The following AVEN variants were observed in gnomAD, a reference collection of about 807,000 sequenced individuals.
AVEN encodes the protein cell death regulator Aven.
A neutral mutation model predicts 38.1 loss-of-function variants in AVEN; 41 were observed. That is an observed-to-expected ratio of 1.08 (90% CI 0.84 to 1.40). The LOEUF (loss-of-function observed/expected upper bound fraction) is 1.40, where lower values mean the gene tolerates loss of function less well. Ranked by LOEUF, AVEN falls within the 40% of genes most tolerant of loss-of-function variation. The pLI is 0.00. For missense variants in AVEN, 605 were observed against 438.8 expected (o/e 1.38, Z -3.38); for synonymous variants, 206 against 171.8 (o/e 1.20, Z -1.56).
At position 33,866,312 on chromosome 15, in the gene AVEN, T is replaced by G. The variant is rs753439038; in HGVS notation, c.*301A>C. On this transcript the variant is annotated 3_prime_UTR_variant, in exon 6 of 6. Transcript: ENST00000306730. ...TAATCAGCAGCAGCATCTGCTATGCTGTAAACACTGGCTATGTTGTAAACA... is the reference window on the plus strand; with the variant it reads ...TAATCAGCAGCAGCATCTGCTATGCGGTAAACACTGGCTATGTTGTAAACA... 2.6e-6 allele frequency: 1 copy of G among 385,300 alleles called. No homozygotes were observed. The highest frequency in any genetic ancestry group is 4.7e-6 in the Non-Finnish European group (1 of 214,850). The allele number at this position is 385,300 out of a possible 1,614,324, so 23.9% of individuals were successfully genotyped here.
chr15:33,864,347 C>T (rs1018233395), downstream of AVEN, among the ~76,000 whole-genome samples: 1 of 151,942 alleles, frequency 6.6e-6, no homozygotes, highest in Non-Finnish European at 1.5e-5. Flanking sequence ...AGCCAAAGTC[C>T]TCCTGTTTAT....
intron 2 of AVEN, among the ~76,000 whole-genome samples, chr15:33,898,290 G>A (rs143739762): frequency 6.6e-6 from 1 of 152,322 alleles, no homozygotes; most frequent in Non-Finnish European, 1.5e-5. Context: ...CATTGCCTGG[G>A]GAGGACTAGA....
chr15:34,044,976 AGGCGGAGCTT>A (rs2140812549), intron 5 of AVEN, among the ~76,000 whole-genome samples: 1 of 152,292 alleles, frequency 6.6e-6, no homozygotes, highest in South Asian at 2.1e-4. Flanking sequence ...TGAACCTGGG[AGGCGGAGCTT>A]GCAGTGAGCC....
intron 2 of AVEN, among the ~76,000 whole-genome samples, chr15:33,918,106 ATT>A (rs1338977072): frequency 1.3e-5 from 2 of 152,186 alleles, no homozygotes; most frequent in Admixed American, 6.5e-5. Context: ...TCTACTTTTT[ATT>A]TTGTTTCATA....
At chr15:33,993,898 G>A (rs1896829465) in intron 2 of AVEN, among the ~76,000 whole-genome samples, 1 of 152,084 alleles carries the variant, frequency 6.6e-6, no homozygotes, top group African/African-American at 2.4e-5. Context: ...AATTCTGTGG[G>A]CATGTTTCTT....
At position 33,867,695 on chromosome 15, in the gene AVEN, T is replaced by C. The variant is rs777887424; in HGVS notation, c.773A>G (p.Asp258Gly). 4 of 1,614,152 alleles carry C rather than the reference T, an allele frequency of 2.5e-6. No individual in the cohort carries two copies. In the Admixed American group the frequency reaches 5.0e-5, roughly 20 times the overall value. The change falls in exon 5 of 6, where the codon GAC (aspartate) becomes GGC (glycine). Residue 258 changes from aspartate (D) to glycine (G), a missense_variant. Asp to Gly is a moderately conservative substitution (Grantham distance 94). Coordinates refer to ENST00000306730, the MANE Select transcript of AVEN (RefSeq NM_020371.3). ...CCTTGAAGGACCCGGGCTTGGGTTG[T>C]CTTTGCCCAGCAACACAGGGCAGCC... ...AAGCPVLLGK[D>G]NPSPGPSRDS...
chr15:33,952,359 C>T (rs1322069288), intron 2 of AVEN, among the ~76,000 whole-genome samples: 2 of 152,130 alleles, frequency 1.3e-5, no homozygotes, highest in African/African-American at 4.8e-5. Flanking sequence ...AAGATGACTC[C>T]TAAATCTATC....
At chr15:33,969,963 C>T (rs1172878001) in intron 2 of AVEN, among the ~76,000 whole-genome samples, 3 of 151,942 alleles carry the variant, frequency 2.0e-5, no homozygotes, top group Non-Finnish European at 4.4e-5. Context: ...GTAAAAACAA[C>T]AAAACGTTAT....
intron 2 of AVEN, among the ~76,000 whole-genome samples, chr15:33,963,217 C>T (rs1297375505): frequency 1.3e-5 from 2 of 152,162 alleles, no homozygotes; most frequent in Non-Finnish European, 2.9e-5. Context: ...CCTCTCTGTG[C>T]CAGGCACTGT....
At chr15:33,875,025 C>T (rs1251067101) in intron 3 of AVEN, among the ~76,000 whole-genome samples, 1 of 152,176 alleles carries the variant, frequency 6.6e-6, no homozygotes, top group Non-Finnish European at 1.5e-5. Flanking sequence ...TTGTAAAGTG[C>T]CAGGCAGTCA....
intron 1 of AVEN, among the ~76,000 whole-genome samples, chr15:34,012,944 C>G (rs1214687293): frequency 6.6e-6 from 1 of 152,158 alleles, no homozygotes; most frequent in East Asian, 1.9e-4. Flanking sequence ...TAATCATTGT[C>G]ATGGTCTGTT....
intron 2 of AVEN, among the ~76,000 whole-genome samples, chr15:33,983,215 C>CATATATATATATACATAT (rs148035145): frequency 8.9e-6 from 1 of 111,784 alleles, no homozygotes; most frequent in Non-Finnish European, 1.7e-5. Flanking sequence ...TATATATATA[C>CATATATATATATACATAT]ATATATATAC....
At chr15:33,914,373 G>C (rs1212797662) in intron 2 of AVEN, among the ~76,000 whole-genome samples, 1 of 152,026 alleles carries the variant, frequency 6.6e-6, no homozygotes. Flanking sequence ...AAATAGACCT[G>C]TACCTAACCT....
intron 2 of AVEN, among the ~76,000 whole-genome samples, chr15:33,954,115 C>T (rs1007438202): frequency 1.3e-5 from 2 of 152,140 alleles, no homozygotes; most frequent in African/African-American, 4.8e-5. Context: ...CCATCTCACG[C>T]CAGTTAGAAT....
chr15:34,047,545 C>T (rs991847053), intron 5 of AVEN, among the ~76,000 whole-genome samples: 1 of 152,168 alleles, frequency 6.6e-6, no homozygotes, highest in African/African-American at 2.4e-5. Context: ...CTTGGAATTC[C>T]AGCCAGCCAA....
intron 11 of AVEN, among the ~76,000 whole-genome samples, chr15:33,859,897 A>T (rs1486502972): frequency 6.6e-6 from 1 of 152,224 alleles, no homozygotes; most frequent in African/African-American, 2.4e-5. Context: ...TTGGCTATAT[A>T]TAAAGCCAAA....
intron 1 of AVEN, among the ~76,000 whole-genome samples, chr15:34,073,206 A>ATT (rs1900664602): frequency 8.2e-6 from 1 of 121,734 alleles, no homozygotes; most frequent in Non-Finnish European, 1.6e-5. Flanking sequence ...TCGCCCGGCT[A>ATT]ATTTTTTTTT....
downstream of AVEN, among the ~76,000 whole-genome samples, chr15:33,854,190 C>T (rs917243506): frequency 2.7e-4 from 12 of 44,358 alleles, no homozygotes; most frequent in African/African-American, 6.4e-4. Flanking sequence ...AGTGAGACTC[C>T]GTTTCAAAAA....
At chr15:33,933,962 C>T (rs927397161) in intron 2 of AVEN, among the ~76,000 whole-genome samples, 4 of 152,124 alleles carry the variant, frequency 2.6e-5, no homozygotes, top group Admixed American at 1.3e-4. Flanking sequence ...CTGTCTCACA[C>T]ACAGACACAT....
Sources: gnomAD v4.1 joint callset for allele counts (sites outside exome capture counted in the v4.1 genomes callset) on GRCh38, gnomAD v4.1.1 for gene constraint, MANE v1.5 for transcripts, NCBI Gene and HGNC (gene_info 2026-07-23, HGNC 2026-07-21) for gene names.